Variants in INPP4B observed in about 807,000 individuals in gnomAD.
INPP4B encodes inositol polyphosphate-4-phosphatase type II B.
Under a neutral mutation model 122.5 loss-of-function variants are expected in INPP4B, and 55 were observed. The ratio of observed to expected loss-of-function variants is 0.45; its 90% CI spans 0.36 to 0.56. INPP4B has a LOEUF of 0.56. INPP4B is among the 20% of genes least tolerant of loss of function. The pLI is 0.00. For missense variants in INPP4B, 1,000 were observed against 1,097.7 expected (o/e 0.91, Z 1.26); for synonymous variants, 403 against 388.7 (o/e 1.04, Z -0.43).
chr4:142,796,193 G>T (rs901976425), intron 1 of INPP4B, among the ~76,000 whole-genome samples: 1 of 151,976 alleles, frequency 6.6e-6, no homozygotes, highest in African/African-American at 2.4e-5. Context: ...TAGAATGAAT[G>T]ATAGGTTGTA....
chr4:142,416,114 T>A (rs1364966713), intron 5 of INPP4B, among the ~76,000 whole-genome samples: 1 of 152,144 alleles, frequency 6.6e-6, no homozygotes, highest in East Asian at 1.9e-4. Context: ...GTAACTAACC[T>A]GCACGTTGTG....
chr4:142,355,518 T>C (rs899712295), intron 7 of INPP4B, among the ~76,000 whole-genome samples: 1 of 152,020 alleles, frequency 6.6e-6, no homozygotes, highest in Admixed American at 6.6e-5. Flanking sequence ...TAACTGGCAC[T>C]CACTAAACCC....
At chr4:142,685,706 G>A (rs1377320353) in intron 2 of INPP4B, among the ~76,000 whole-genome samples, 1 of 152,016 alleles carries the variant, frequency 6.6e-6, no homozygotes, top group Non-Finnish European at 1.5e-5. Context: ...GCTGCAGTGA[G>A]CTGTGATCAC....
intron 1 of INPP4B, among the ~76,000 whole-genome samples, chr4:142,770,035 T>C (rs1250516340): frequency 5.9e-5 from 9 of 152,082 alleles, no homozygotes; most frequent in Non-Finnish European, 1.3e-4. Flanking sequence ...TCATAGAAAA[T>C]GGGAAGTCAT....
chr4:142,420,658 A>G (rs1324970520), intron 5 of INPP4B, among the ~76,000 whole-genome samples: 1 of 152,158 alleles, frequency 6.6e-6, no homozygotes, highest in Non-Finnish European at 1.5e-5. Context: ...CACAAAGAAC[A>G]TGGCCTTTGG....
chr4:142,112,584 A>T lies in INPP4B; in HGVS notation c.2234T>A (p.Leu745His), dbSNP rs770654568. 6.2e-7 allele frequency: 1 copy of T among 1,613,278 alleles called. No homozygotes were observed. The highest frequency in any genetic ancestry group is 1.1e-5 in the South Asian group (1 of 91,020). ...EGQLLHVYPV[L>H]FNVGINEQQT... is the part of the protein sequence containing the mutation. Reference sequence around the variant, plus strand: ...CTGTTCATTGATTCCAACATTAAAAAGTACTGGATACACATGAAGCAACTG... The same window carrying T: ...CTGTTCATTGATTCCAACATTAAAATGTACTGGATACACATGAAGCAACTG... The change falls in exon 22 of 26, where the codon CTT becomes CAT. Residue 745 changes from leucine (L) to histidine (H), a missense_variant. By Grantham distance (99) the Leu-to-His change is moderately conservative. Transcript: ENST00000262992.
intron 25 of INPP4B, among the ~76,000 whole-genome samples, chr4:142,050,996 A>G (rs1754268113): frequency 6.6e-6 from 1 of 152,064 alleles, no homozygotes; most frequent in African/African-American, 2.4e-5. Flanking sequence ...ATGACTTCCA[A>G]ACTTATTTAT....
intron 11 of INPP4B, among the ~76,000 whole-genome samples, chr4:142,256,272 C>T (rs1206285749): frequency 6.6e-6 from 1 of 151,918 alleles, no homozygotes. Context: ...AAAATCGACA[C>T]CCTAACATCA....
intron 7 of INPP4B, among the ~76,000 whole-genome samples, chr4:142,354,333 T>C (rs561075517): frequency 3.3e-5 from 5 of 152,126 alleles, no homozygotes; most frequent in African/African-American, 1.2e-4. Context: ...ATCCCATAAC[T>C]ATGTGCAATT....
At chr4:142,172,551 TTTTAA>T (rs1826117515) in intron 16 of INPP4B, among the ~76,000 whole-genome samples, 1 of 151,978 alleles carries the variant, frequency 6.6e-6, no homozygotes, top group African/African-American at 2.4e-5. Context: ...GCTTTTCACT[TTTTAA>T]TTTATTAGAC....
intron 8 of INPP4B, among the ~76,000 whole-genome samples, chr4:142,313,177 T>C (rs1450069642): frequency 2.6e-5 from 4 of 151,744 alleles, no homozygotes; most frequent in Non-Finnish European, 5.9e-5. Flanking sequence ...CCCAAGAACA[T>C]GAGTGAGAGA....
chr4:142,031,411 C>T (rs997026000), intron 25 of INPP4B, among the ~76,000 whole-genome samples: 2 of 152,122 alleles, frequency 1.3e-5, no homozygotes, highest in Admixed American at 1.3e-4. Flanking sequence ...CAGGCATTGA[C>T]CACACCAGTG....
chr4:142,717,372 C>T (rs545949362), intron 2 of INPP4B, among the ~76,000 whole-genome samples: 111 of 152,036 alleles, frequency 7.3e-4, no homozygotes, highest in Non-Finnish European at 1.3e-4. Context: ...ATCTTTCTTT[C>T]CCAGTTTTGC....
chr4:142,448,170 G>C (rs753029222), intron 3 of INPP4B, among the ~76,000 whole-genome samples: 6 of 151,962 alleles, frequency 3.9e-5, no homozygotes, highest in Non-Finnish European at 8.8e-5. Context: ...GGTGCTGAAT[G>C]GACCTCTGGT....
At chr4:142,088,230 TTGG>T (rs1777768815) in intron 23 of INPP4B, among the ~76,000 whole-genome samples, 1 of 152,122 alleles carries the variant, frequency 6.6e-6, no homozygotes, top group South Asian at 2.1e-4. Flanking sequence ...AGACCAGGAC[TTGG>T]TGGCTAATCA....
At chr4:142,471,300 T>A (rs1030628858) in intron 2 of INPP4B, among the ~76,000 whole-genome samples, 6 of 152,158 alleles carry the variant, frequency 3.9e-5, no homozygotes, top group African/African-American at 9.7e-5. Flanking sequence ...GCTTTTTTTT[T>A]AAAGCATTAA....
chr4:142,723,477 T>G (rs1764954959), intron 2 of INPP4B, among the ~76,000 whole-genome samples: 1 of 152,148 alleles, frequency 6.6e-6, no homozygotes, highest in Admixed American at 6.5e-5. Context: ...CATCTTTGGA[T>G]GACAAAATTA....
chr4:142,550,587 T>TACAC (rs1473832625), intron 2 of INPP4B, among the ~76,000 whole-genome samples: 1,495 of 51,036 alleles, frequency 0.029, 9 homozygotes, highest in Non-Finnish European at 0.042. Context: ...ATATGTAATA[T>TACAC]ATACACACAC....
At chr4:142,454,242 C>G (rs1364538157) in intron 3 of INPP4B, among the ~76,000 whole-genome samples, 2 of 152,016 alleles carry the variant, frequency 1.3e-5, no homozygotes, top group African/African-American at 4.8e-5. Flanking sequence ...ATTTATTGAG[C>G]ACCTACTATA....
Sources: allele counts gnomAD v4.1 joint callset (sites outside exome capture counted in the v4.1 genomes callset), GRCh38; gene constraint gnomAD v4.1.1; transcripts MANE v1.5; gene names NCBI Gene and HGNC (gene_info 2026-07-23, HGNC 2026-07-21).